The following ESPNL variants were observed in gnomAD, a reference collection of about 807,000 sequenced individuals.
The protein encoded by ESPNL is espin like, also known as espin-like protein.
ESPNL carries 49 observed loss-of-function variants against 46.8 expected under a neutral mutation model. The ratio of observed to expected loss-of-function variants is 1.05; its 90% CI spans 0.83 to 1.33. The LOEUF is 1.33. Ranked by LOEUF, ESPNL falls within the 40% of genes most tolerant of loss-of-function variation. ESPNL has a pLI of 0.00. For synonymous variants in ESPNL, 664 were observed against 662.1 expected, an observed-to-expected ratio of 1.00 and a Z score of -0.04; for missense variants, 1,540 against 1,436.6, an observed-to-expected ratio of 1.07 and a Z score of -1.16.
At position 238,121,884 on chromosome 2, in the gene ESPNL, C is replaced by T. The variant is rs371805372; in HGVS notation, c.988-3386C>T. On this transcript the variant is annotated intron_variant, in intron 5 of 8. Coordinates refer to ENST00000343063, the MANE Select transcript of ESPNL (RefSeq NM_194312.4). ...AGAGGCTTCCTGGGCACTCTCCTCC[C>T]GCTGGGAAGGGTGGCACCCACACAG... Among the ~76,000 whole-genome samples the T allele has an allele frequency of 2.4e-4, 36 of 152,212 alleles. 1 individual carries two copies. Among genetic ancestry groups the T allele is most frequent in the East Asian group, 1.3e-3 (7 of 5,194 alleles).
chr2:238,101,839 G>A, intron 1 of ESPNL, 102 bp from the exon 2 acceptor site: 1 of 798,688 alleles, frequency 1.3e-6, no homozygotes, highest in Non-Finnish European at 2.0e-6. Flanking sequence ...CCCCTTCACT[G>A]GGTTGCAGGC....
chr2:238,110,702 TC>T, intron 4 of ESPNL, among the ~76,000 whole-genome samples: 1 of 103,168 alleles, frequency 9.7e-6, no homozygotes, highest in African/African-American at 3.3e-5. Context: ...AGTTTCCCTT[TC>T]CTGTCCCAGG....
In ESPNL at chr2:238,131,538, A is replaced by G; in HGVS notation, c.2824A>G (p.Lys942Glu). The change falls in exon 9 of 9, where the codon AAG becomes GAG. Residue 942 changes from lysine to glutamate, a missense_variant. Coordinates refer to ENST00000343063, the MANE Select transcript of ESPNL (RefSeq NM_194312.4). ...CGCCTGGGATACGGAGCCTGGCCGC[A>G]AGTCAGGTCTGACCCTGCTCGGGCC... The part of the protein sequence containing the change: ...RPAWDTEPGR[K>E]SGLTLLGPLP... The G allele has an allele frequency of 2.5e-6, 4 of 1,611,526 alleles. No individual in the cohort carries two copies. Among genetic ancestry groups the G allele is most frequent in the Non-Finnish European group, 3.4e-6 (4 of 1,179,334 alleles).
chr2:238,104,173 G>A (rs1691544697), intron 2 of ESPNL, among the ~76,000 whole-genome samples: 1 of 152,168 alleles, frequency 6.6e-6, no homozygotes, highest in African/African-American at 2.4e-5. Flanking sequence ...GGCTTGGCGG[G>A]AAAGCAGGCA....
chr2:238,126,196 GTGAT>G (rs1352829814), intron 6 of ESPNL, among the ~76,000 whole-genome samples: 2 of 142,182 alleles, frequency 1.4e-5, no homozygotes, highest in Admixed American at 1.4e-4. Flanking sequence ...GATCGTGTCT[GTGAT>G]TGTGTCTCTC....
intron 6 of ESPNL, 120 bp downstream of exon 6, chr2:238,125,504 C>A: frequency 2.1e-6 from 1 of 487,582 alleles, no homozygotes; most frequent in Non-Finnish European, 3.6e-6. Context: ...CACCCCATCA[C>A]CCTCCCTCCC....
intron 4 of ESPNL, among the ~76,000 whole-genome samples, chr2:238,111,363 G>A (rs1008808963): frequency 2.0e-5 from 3 of 152,152 alleles, no homozygotes; most frequent in South Asian, 2.1e-4. Context: ...GTCTGTTCAC[G>A]TTGTCGTGCA....
chr2:238,126,967 GTA>G (rs1408015709), intron 6 of ESPNL, among the ~76,000 whole-genome samples: 2 of 78,628 alleles, frequency 2.5e-5, no homozygotes, highest in African/African-American at 7.3e-5. Context: ...GTGTCTGTGT[GTA>G]TGTGTGTGAT....
chr2:238,101,913 A>C, intron 1 of ESPNL, 28 bp from the exon 2 acceptor site: 1 of 1,574,866 alleles, frequency 6.3e-7, no homozygotes, highest in South Asian at 1.1e-5. Flanking sequence ...CCTACCCCCC[A>C]CTCACTGACC....
chr2:238,102,227 C>G, intron 2 of ESPNL, 96 bp downstream of exon 2: 1 of 1,132,060 alleles, frequency 8.8e-7, no homozygotes, highest in East Asian at 2.6e-5. Context: ...GGCTGGTGGC[C>G]TTTGAGGTGA....
intron 6 of ESPNL, among the ~76,000 whole-genome samples, chr2:238,126,837 CTG>C (rs1451729678): frequency 6.2e-5 from 9 of 146,076 alleles, no homozygotes; most frequent in East Asian, 4.2e-4. Flanking sequence ...CTGTGTGTGA[CTG>C]TATCTGTGTG....
chr2:238,118,809 T>A (rs1222578954), intron 5 of ESPNL, among the ~76,000 whole-genome samples: 16 of 68,590 alleles, frequency 2.3e-4, no homozygotes, highest in Middle Eastern at 0.014. Flanking sequence ...GGAGGAGGAA[T>A]GGATGGAGGA....
At chr2:238,129,700 G>A (rs939446704) in intron 8 of ESPNL, among the ~76,000 whole-genome samples, 5 of 152,260 alleles carry the variant, frequency 3.3e-5, no homozygotes, top group African/African-American at 4.8e-5. Context: ...CCAGCGCTGT[G>A]TCCAGCGCAA....
chr2:238,129,373 C>A, intron 8 of ESPNL: 1 of 555,424 alleles, frequency 1.8e-6, no homozygotes, highest in Non-Finnish European at 2.3e-6. Flanking sequence ...AGGGGGAGCC[C>A]TGTGGGAATT....
At position 238,117,004 on chromosome 2, in the gene ESPNL, C is replaced by A. The variant is rs11897736; in HGVS notation, c.957C>A (p.Cys319Ter). Residue 319 changes from cysteine to a stop codon, truncating the protein, a stop_gained, in exon 5 of 9, where the codon TGC becomes TGA. Transcript: ENST00000343063. LOFTEE classifies it high-confidence loss of function. The part of the protein sequence containing the change: ...DLAEYHGHRD[C>*]AQYLREVAQP... ...CGGAGTACCATGGACACCGGGACTG[C>A]GCCCAGTACCTGCGGGAGGTGGCCC... 6.8e-6 allele frequency: 11 copies of A among 1,611,720 alleles called. No individual in the cohort carries two copies. Among genetic ancestry groups the A allele is most frequent in the South Asian group, 2.2e-5 (2 of 90,978 alleles).
chr2:238,127,917 C>G (rs1335686194), intron 7 of ESPNL, among the ~76,000 whole-genome samples, 183 bp downstream of exon 7: 1 of 152,158 alleles, frequency 6.6e-6, no homozygotes, highest in African/African-American at 2.4e-5. Context: ...ACAGGAATGT[C>G]AGGGCGACGG....
rs10182906 is a variant in ESPNL, at chr2:238,131,255, G to C, written c.2541G>C (p.Pro847=). The C allele has an allele frequency of 0.77, 1,203,433 of 1,571,546 alleles. 463,588 individuals carry two copies. The highest frequency in any genetic ancestry group is 0.95 in the African/African-American group (70,251 of 74,224). Reference sequence around the variant, plus strand: ...TCCTGCCCCACGTGGACGGGGCTCCGGTGCCCTACAGCAGCCTCTCACTGG... The same window carrying C: ...TCCTGCCCCACGTGGACGGGGCTCCCGTGCCCTACAGCAGCCTCTCACTGG... The part of the protein sequence containing the change: ...EQFLPHVDGA[P]VPYSSLSLDL... The change falls in exon 9 of 9, where the codon CCG becomes CCC. Residue 847 remains proline (P), a synonymous_variant. Coordinates refer to ENST00000343063, the MANE Select transcript of ESPNL (RefSeq NM_194312.4).
intron 4 of ESPNL, among the ~76,000 whole-genome samples, chr2:238,108,453 C>T (rs535336266): frequency 6.8e-4 from 103 of 152,342 alleles, no homozygotes; most frequent in African/African-American, 2.4e-3. Context: ...GAACCACACC[C>T]AGCCTTTGAG....
chr2:238,129,050 C>A, intron 8 of ESPNL, 146 bp downstream of exon 8: 2 of 1,431,544 alleles, frequency 1.4e-6, no homozygotes, highest in Non-Finnish European at 1.8e-6. Context: ...CTGCTTCCGC[C>A]GGAGGATGAA....
Sources: allele counts gnomAD v4.1 joint callset (sites outside exome capture counted in the v4.1 genomes callset), GRCh38; gene constraint gnomAD v4.1.1; transcripts MANE v1.5; gene names NCBI Gene and HGNC (gene_info 2026-07-23, HGNC 2026-07-21).